NGEF: variants seen among roughly 807,000 people sequenced by gnomAD.
NGEF encodes the protein ephexin-1.
NGEF carries 31 observed loss-of-function variants against 80.9 expected under a neutral mutation model. The ratio of observed to expected loss-of-function variants is 0.38; its 90% confidence interval spans 0.29 to 0.52. NGEF has a LOEUF of 0.52. Ranked by LOEUF, NGEF falls within the 20% of genes least tolerant of loss-of-function variation. The probability of loss-of-function intolerance (pLI) is 0.84; values close to 1 mark genes in which losing one functional copy is unlikely to be tolerated. For synonymous variants in NGEF, 371 were observed against 370.2 expected (o/e 1.00, Z -0.03); for missense variants, 709 against 926.2 (o/e 0.77, Z 3.04).
At chr2:232,934,464 A>G (rs1177551238) in intron 3 of NGEF, among the ~76,000 whole-genome samples, 2 of 152,140 alleles carry the variant, frequency 1.3e-5, no homozygotes, top group African/African-American at 4.8e-5. Flanking sequence ...TCTTCCAGTA[A>G]AAAATAAGCT....
At chr2:233,009,942 G>A (rs367910502) in intron 1 of NGEF, among the ~76,000 whole-genome samples, 110 of 152,152 alleles carry the variant, frequency 7.2e-4, no homozygotes, top group African/African-American at 2.6e-3. Flanking sequence ...TTGTCACCTT[G>A]CCTGTAGTGC....
intron 4 of NGEF, among the ~76,000 whole-genome samples, chr2:232,921,560 C>G (rs989031494): frequency 2.6e-5 from 4 of 152,110 alleles, no homozygotes; most frequent in Admixed American, 2.6e-4. Flanking sequence ...CCAGTGATTC[C>G]CCTGCCTCAG....
At chr2:232,967,782 C>G (rs1694096675) in intron 3 of NGEF, among the ~76,000 whole-genome samples, 1 of 151,820 alleles carries the variant, frequency 6.6e-6, no homozygotes, top group Admixed American at 6.6e-5. Flanking sequence ...AGTGTTGCCT[C>G]CCCACCTTGT....
chr2:232,879,428 C>T lies in NGEF; in HGVS notation c.*61G>A. ...GGCCTGTGCTTCCCAGAGCCCCCCC[C>T]CCCCCACCTTCTGTCGGGGTCTCAT... On this transcript the variant is annotated 3_prime_UTR_variant, in exon 15 of 15. Coordinates refer to ENST00000264051, the MANE Select transcript of NGEF (RefSeq NM_019850.3). 1 of 1,442,432 alleles carries T rather than the reference C, an allele frequency of 6.9e-7. No individual in the cohort carries two copies. Among genetic ancestry groups the T allele is most frequent in the Admixed American group, 1.8e-5 (1 of 55,928 alleles). The allele number at this position is 1,442,432 out of a possible 1,614,324, so 89.4% of individuals were successfully genotyped here. A position where few individuals can be genotyped will look rare whatever the true frequency, so the allele number is the denominator to read the frequency against.
intron 1 of NGEF, among the ~76,000 whole-genome samples, chr2:232,983,116 AC>A: frequency 6.6e-6 from 1 of 152,206 alleles, no homozygotes; most frequent in Non-Finnish European, 1.5e-5. Flanking sequence ...CTGAGCGTGA[AC>A]AAAGGTGAGG....
At chr2:232,897,689 G>T (rs1692143675) in intron 5 of NGEF, among the ~76,000 whole-genome samples, 1 of 152,228 alleles carries the variant, frequency 6.6e-6, no homozygotes, top group Non-Finnish European at 1.5e-5. Context: ...TCAGTAGCCA[G>T]GGCCCACCCG....
chr2:232,882,557 G>A (rs1691537952), intron 12 of NGEF, among the ~76,000 whole-genome samples: 1 of 152,256 alleles, frequency 6.6e-6, no homozygotes, highest in Non-Finnish European at 1.5e-5. Context: ...GTCCCACCAA[G>A]TAACGCGTAA....
chr2:232,912,527 T>C (rs1237399862), intron 5 of NGEF, among the ~76,000 whole-genome samples: 1 of 152,200 alleles, frequency 6.6e-6, no homozygotes, highest in Non-Finnish European at 1.5e-5. Context: ...GCTGGCCTTA[T>C]AAAAAGTTGG....
At chr2:232,944,737 A>ATATATATATC (rs1478759641) in intron 3 of NGEF, among the ~76,000 whole-genome samples, 10 of 49,966 alleles carry the variant, frequency 2.0e-4, no homozygotes, top group African/African-American at 6.5e-4. Flanking sequence ...ATATATATAT[A>ATATATATATC]TATATATATA....
At chr2:232,983,364 G>A (rs1694476587) in intron 1 of NGEF, among the ~76,000 whole-genome samples, 6 of 152,030 alleles carry the variant, frequency 3.9e-5, no homozygotes, top group Admixed American at 6.6e-5. Context: ...AAGGAGGAGG[G>A]GACCTTTTAG....
chr2:232,890,949 C>A (rs765484866), intron 8 of NGEF: 1 of 472,560 alleles, frequency 2.1e-6, no homozygotes, highest in South Asian at 1.5e-5. Flanking sequence ...AGTCTTGGGG[C>A]CTTTGCACAA....
At chr2:233,009,361 G>C (rs1695155638) in intron 1 of NGEF, among the ~76,000 whole-genome samples, 1 of 151,950 alleles carries the variant, frequency 6.6e-6, no homozygotes, top group Non-Finnish European at 1.5e-5. Context: ...CCTTTTTATT[G>C]ATCTATTTAT....
At chr2:232,944,965 T>C (rs1239118619) in intron 3 of NGEF, among the ~76,000 whole-genome samples, 2 of 151,948 alleles carry the variant, frequency 1.3e-5, no homozygotes, top group African/African-American at 4.8e-5. Context: ...TTGGCCAGGC[T>C]GGTCCAGAAC....
At chr2:232,924,108 G>A (rs572351306) in intron 4 of NGEF, among the ~76,000 whole-genome samples, 136 of 152,172 alleles carry the variant, frequency 8.9e-4, no homozygotes, top group Middle Eastern at 3.4e-3. Flanking sequence ...GTGTTGGCAG[G>A]CACCTGTAAT....
chr2:232,946,596 A>T (rs990210442), intron 3 of NGEF, among the ~76,000 whole-genome samples: 9 of 152,216 alleles, frequency 5.9e-5, no homozygotes, highest in Admixed American at 3.3e-4. Context: ...GTGACCTACC[A>T]GTAGTAACGA....
At chr2:232,920,931 C>G (rs1692929747) in intron 4 of NGEF, among the ~76,000 whole-genome samples, 1 of 152,328 alleles carries the variant, frequency 6.6e-6, no homozygotes. Context: ...AATGTCCCAA[C>G]TGTGTCTCAT....
chr2:232,879,461 C>G lies in NGEF; in HGVS notation c.*28G>C, dbSNP rs753427249. 6.3e-7 allele frequency: 1 copy of G among 1,578,102 alleles called. No homozygotes were observed. The highest frequency in any genetic ancestry group is 1.4e-5 in the African/African-American group (1 of 73,196). ...CTTCTGTCGGGGTCTCATGCAGGCC[C>G]TGCTCCCGCTGGCCCCCTGGGTGGG... On this transcript the variant is annotated 3_prime_UTR_variant, in exon 15 of 15. Coordinates refer to ENST00000264051, the MANE Select transcript of NGEF (RefSeq NM_019850.3).
rs1269574098 is a variant in NGEF at position 232,993,002 on chromosome 2, T to TAC, written c.-74-18039_-74-18038insGT. On this transcript the variant is annotated intron_variant, in intron 1 of 14. Transcript: ENST00000264051. ...ACCCTGCCTGAAGTATATATATATA[T>TAC]ATACACACACACACACACGCACATA... Among the ~76,000 whole-genome samples, 538 of 124,000 alleles carry TAC rather than the reference T, an allele frequency of 4.3e-3. 3 individuals carry two copies. The highest frequency in any genetic ancestry group is 6.7e-3 in the Non-Finnish European group (412 of 61,664). 81.3% of individuals were successfully genotyped at this position (124,000 alleles called of 152,430 possible). A position where few individuals can be genotyped will look rare whatever the true frequency, so the allele number is the denominator to read the frequency against.
chr2:232,967,015 T>C (rs1355103204), intron 3 of NGEF, among the ~76,000 whole-genome samples: 1 of 152,144 alleles, frequency 6.6e-6, no homozygotes, highest in African/African-American at 2.4e-5. Context: ...TGTATTTTTG[T>C]CCCCACCCAA....
Sources: gnomAD v4.1 joint callset for allele counts (sites outside exome capture counted in the v4.1 genomes callset) on GRCh38, gnomAD v4.1.1 for gene constraint, MANE v1.5 for transcripts, NCBI Gene and HGNC (gene_info 2026-07-23, HGNC 2026-07-21) for gene names.